Variants in STAG1 observed in about 807,000 individuals in gnomAD.
STAG1 encodes cohesin subunit SA-1.
STAG1 carries 26 observed loss-of-function variants against 170.9 expected under a neutral mutation model. The ratio of observed to expected loss-of-function variants is 0.15; its 90% CI spans 0.11 to 0.21. STAG1 has a LOEUF of 0.21. Ranked by LOEUF, STAG1 falls within the 10% of genes least tolerant of loss-of-function variation. The probability of loss-of-function intolerance (pLI) is 1.00; values close to 1 mark genes in which losing one functional copy is unlikely to be tolerated. For synonymous variants in STAG1, 514 were observed against 497.7 expected, an observed-to-expected ratio of 1.03 and a Z score of -0.44; for missense variants, 964 against 1,509.5, an observed-to-expected ratio of 0.64 and a Z score of 5.99.
intron 1 of STAG1, among the ~76,000 whole-genome samples, chr3:136,737,954 G>C (rs1934438435): frequency 6.6e-6 from 1 of 151,992 alleles, no homozygotes; most frequent in African/African-American, 2.4e-5. Context: ...GGTAATCTCA[G>C]CTACTCAGGA....
intron 1 of STAG1, among the ~76,000 whole-genome samples, chr3:136,717,834 T>A (rs575916252): frequency 6.6e-6 from 1 of 152,340 alleles, no homozygotes; most frequent in Non-Finnish European, 1.5e-5. Flanking sequence ...ATGCAAATGA[T>A]AGAAATAATT....
At chr3:136,512,170 T>C (rs1576548879) in intron 7 of STAG1, among the ~76,000 whole-genome samples, 1 of 145,812 alleles carries the variant, frequency 6.9e-6, no homozygotes. Context: ...TAGCCAGGTG[T>C]GATGGCACAT....
chr3:136,370,706 C>G (rs1473541475), intron 23 of STAG1, among the ~76,000 whole-genome samples: 1 of 152,178 alleles, frequency 6.6e-6, no homozygotes, highest in African/African-American at 2.4e-5. Context: ...TTTTTTATGG[C>G]TGCATAGTAT....
intron 6 of STAG1, among the ~76,000 whole-genome samples, chr3:136,528,492 G>A (rs1212350228): frequency 4.5e-5 from 1 of 22,096 alleles, no homozygotes; most frequent in Non-Finnish European, 1.1e-4. Flanking sequence ...AGATGTCCCC[G>A]CACCCCCCCC....
intron 7 of STAG1, among the ~76,000 whole-genome samples, chr3:136,510,325 T>C (rs1933989159): frequency 1.3e-5 from 2 of 152,358 alleles, no homozygotes; most frequent in South Asian, 2.1e-4. Context: ...AGTCTCATTC[T>C]GTCGCCCAGA....
chr3:136,420,035 G>T (rs1207107249), intron 20 of STAG1, among the ~76,000 whole-genome samples: 1 of 151,818 alleles, frequency 6.6e-6, no homozygotes, highest in African/African-American at 2.4e-5. Context: ...GATTGCTTGA[G>T]GTCAGGAGTT....
At chr3:136,609,557 G>A (rs989493759) in intron 3 of STAG1, 6 of 153,158 alleles carry the variant, frequency 3.9e-5, no homozygotes, top group African/African-American at 1.5e-4. Context: ...GCAAAACCAA[G>A]AAGAGTCCAG....
At chr3:136,736,569 T>C (rs762523749) in intron 1 of STAG1, 48 of 1,516,872 alleles carry the variant, frequency 3.2e-5, no homozygotes, top group African/African-American at 4.1e-5. Flanking sequence ...CCCCTTTGTA[T>C]TGGCTTGGAA....
chr3:136,674,409 T>G (rs1243121586), intron 1 of STAG1, among the ~76,000 whole-genome samples: 1 of 152,208 alleles, frequency 6.6e-6, no homozygotes, highest in East Asian at 1.9e-4. Context: ...CAGTACATAT[T>G]GTATGATTCC....
intron 3 of STAG1, among the ~76,000 whole-genome samples, chr3:136,614,418 C>A (rs1009841389): frequency 2.0e-5 from 3 of 151,950 alleles, no homozygotes; most frequent in Non-Finnish European, 1.5e-5. Context: ...ATTCAAGGGA[C>A]ATAGTGATTT....
At chr3:136,402,965 C>T (rs778158609) in intron 21 of STAG1, among the ~76,000 whole-genome samples, 2 of 151,784 alleles carry the variant, frequency 1.3e-5, no homozygotes, top group Non-Finnish European at 2.9e-5. Context: ...CAGTGGCTCA[C>T]GCCTGTAATC....
At chr3:136,598,864 C>A (rs959170603) in intron 4 of STAG1, among the ~76,000 whole-genome samples, 1 of 152,146 alleles carries the variant, frequency 6.6e-6, no homozygotes, top group African/African-American at 2.4e-5. Flanking sequence ...TTGATGAAAT[C>A]TTTCAAAATT....
chr3:136,736,716 T>C, intron 1 of STAG1: 1 of 1,603,444 alleles, frequency 6.2e-7, no homozygotes, highest in Non-Finnish European at 8.5e-7. Flanking sequence ...TTGGCTTCTC[T>C]CTCTTTCCTT....
chr3:136,565,361 CA>C (rs1937039584), intron 5 of STAG1, among the ~76,000 whole-genome samples: 1 of 152,094 alleles, frequency 6.6e-6, no homozygotes. Context: ...TTAAAATGAG[CA>C]AAGGACTTGA....
chr3:136,452,636 T>C (rs1449873573), intron 13 of STAG1, among the ~76,000 whole-genome samples: 1 of 151,644 alleles, frequency 6.6e-6, no homozygotes, highest in African/African-American at 2.4e-5. Flanking sequence ...GGTCGGAAAA[T>C]GGTGGCATCT....
At chr3:136,616,802 G>A (rs1300996178) in intron 3 of STAG1, among the ~76,000 whole-genome samples, 1 of 152,142 alleles carries the variant, frequency 6.6e-6, no homozygotes. Context: ...GCTGAGGTGG[G>A]AGAATCACTT....
chr3:136,572,644 G>C (rs1027509769), intron 4 of STAG1, among the ~76,000 whole-genome samples: 1 of 141,234 alleles, frequency 7.1e-6, no homozygotes, highest in African/African-American at 2.6e-5. Flanking sequence ...AGAGAACAAA[G>C]TACAGAAATA....
chr3:136,498,308 T>C (rs572039253), intron 9 of STAG1, among the ~76,000 whole-genome samples: 2,205 of 121,234 alleles, frequency 0.018, 84 homozygotes, highest in African/African-American at 0.059. Flanking sequence ...CACACACACA[T>C]ATATATACAC....
chr3:136,738,347 AG>A (rs762021547), intron 1 of STAG1, among the ~76,000 whole-genome samples: 2 of 151,936 alleles, frequency 1.3e-5, no homozygotes, highest in Non-Finnish European at 2.9e-5. Context: ...AAAAATTAGC[AG>A]GGCATGGTGG....
Sources: gnomAD v4.1 joint callset for allele counts (sites outside exome capture counted in the v4.1 genomes callset) on GRCh38, gnomAD v4.1.1 for gene constraint, MANE v1.5 for transcripts, NCBI Gene and HGNC (gene_info 2026-07-23, HGNC 2026-07-21) for gene names.